RB1CC1: variants seen among roughly 807,000 people sequenced by gnomAD.
RB1CC1 encodes the protein RB1 inducible coiled-coil 1, also known as RB1-inducible coiled-coil protein 1.
A neutral mutation model predicts 177.5 loss-of-function variants in RB1CC1; 46 were observed. The observed-to-expected ratio is 0.26, with a 90% CI of 0.20 to 0.33. The LOEUF is 0.33. Among genes scored for constraint, RB1CC1 ranks in the 10% least tolerant of loss-of-function variants. RB1CC1 has a pLI of 1.00. For missense variants in RB1CC1, 1,703 were observed against 1,816.3 expected, an observed-to-expected ratio of 0.94 and a Z score of 1.13; for synonymous variants, 666 against 613.6, an observed-to-expected ratio of 1.09 and a Z score of -1.26.
intron 21 of RB1CC1, among the ~76,000 whole-genome samples, chr8:52,629,102 A>G (rs947451160): frequency 2.0e-5 from 3 of 152,294 alleles, no homozygotes; most frequent in Non-Finnish European, 2.9e-5. Flanking sequence ...CATGACATAC[A>G]GCTGGTAAAG....
intron 12 of RB1CC1, 83 bp from the exon 13 acceptor site, chr8:52,659,059 T>A: frequency 1.5e-6 from 1 of 653,926 alleles, no homozygotes; most frequent in Non-Finnish European, 2.4e-6. Context: ...TTACTATAAT[T>A]AAATTTACTA....
chr8:52,628,220 A>G (rs774518286), intron 21 of RB1CC1, 52 bp from the exon 22 acceptor site: 2 of 1,541,208 alleles, frequency 1.3e-6, no homozygotes, highest in East Asian at 4.6e-5. Flanking sequence ...CAATCCCCCT[A>G]TTCTGAAAAC....
intron 16 of RB1CC1, 157 bp from the exon 17 acceptor site, chr8:52,642,969 C>T (rs1376162784): frequency 1.5e-5 from 13 of 855,634 alleles, no homozygotes; most frequent in Non-Finnish European, 2.1e-5. Flanking sequence ...ATGTAACATA[C>T]TGTGGCAAAG....
At position 52,670,042 on chromosome 8, in the gene RB1CC1, C is replaced by T. The variant is rs1264258566; in HGVS notation, c.1003-1851G>A. ...GATCACAGCTCACTACAGGCTCAAG[C>T]GATCCTACGGCCTCAGCATCCCTAA... On this transcript the variant is annotated intron_variant, in intron 7 of 23. Transcript: ENST00000025008. Among the ~76,000 whole-genome samples the T allele has an allele frequency of 5.3e-5, 8 of 151,880 alleles. No homozygotes were observed. In the East Asian group the frequency reaches 5.8e-4, roughly 11 times the overall value.
chr8:52,626,139 A>C (rs778582287), intron 22 of RB1CC1, among the ~76,000 whole-genome samples: 1 of 152,168 alleles, frequency 6.6e-6, no homozygotes, highest in Admixed American at 6.5e-5. Flanking sequence ...AATGAGCCCC[A>C]CTAACAAAAG....
At chr8:52,630,166 G>A (rs1050039470) in intron 21 of RB1CC1, among the ~76,000 whole-genome samples, 11 of 152,164 alleles carry the variant, frequency 7.2e-5, no homozygotes, top group African/African-American at 1.9e-4. Context: ...AGATTAACAA[G>A]ACTAAGGAGA....
chr8:52,623,916 TCACACA>T, intron 23 of RB1CC1, 57 bp from the exon 24 acceptor site: 11 of 864,692 alleles, frequency 1.3e-5, no homozygotes, highest in South Asian at 6.0e-5. Flanking sequence ...TCTCTCTCTC[TCACACA>T]CACACACACA....
intron 12 of RB1CC1, 74 bp downstream of exon 12, chr8:52,660,522 T>TAA: frequency 7.5e-7 from 1 of 1,334,274 alleles, no homozygotes; most frequent in Non-Finnish European, 1.0e-6. Context: ...AAGTTTCTGA[T>TAA]AAATGTCTCT....
intron 12 of RB1CC1, among the ~76,000 whole-genome samples, chr8:52,660,383 T>C (rs1240608366): frequency 6.6e-6 from 1 of 152,180 alleles, no homozygotes; most frequent in Non-Finnish European, 1.5e-5. Context: ...TAAGGTATCT[T>C]CCTGTGTTAT....
intron 1 of RB1CC1, among the ~76,000 whole-genome samples, chr8:52,693,476 T>A (rs1030090959): frequency 6.6e-6 from 1 of 151,866 alleles, no homozygotes; most frequent in African/African-American, 2.4e-5. Flanking sequence ...AAGCTCAACA[T>A]CAAAGATCAT....
intron 16 of RB1CC1, among the ~76,000 whole-genome samples, chr8:52,645,498 ATAT>A (rs1453186277): frequency 3.3e-5 from 5 of 152,300 alleles, no homozygotes; most frequent in South Asian, 2.1e-4. Flanking sequence ...AACATGAAAA[ATAT>A]TATTCTCCAG....
At chr8:52,645,086 C>A (rs948741851) in intron 16 of RB1CC1, among the ~76,000 whole-genome samples, 12 of 152,136 alleles carry the variant, frequency 7.9e-5, no homozygotes, top group African/African-American at 2.7e-4. Flanking sequence ...TCTAACAAGG[C>A]ATCTGGTTTT....
At chr8:52,683,109 C>T (rs1853920883) in intron 5 of RB1CC1, among the ~76,000 whole-genome samples, 1 of 152,240 alleles carries the variant, frequency 6.6e-6, no homozygotes, top group South Asian at 2.1e-4. Context: ...GACTGGGAAA[C>T]AATCCGTGGG....
At chr8:52,670,770 T>C (rs1204046085) in intron 7 of RB1CC1, among the ~76,000 whole-genome samples, 1 of 152,110 alleles carries the variant, frequency 6.6e-6, no homozygotes, top group Non-Finnish European at 1.5e-5. Flanking sequence ...GCAAATCAAC[T>C]GAGGTGAGGA....
chr8:52,682,517 C>T (rs1453615725), intron 5 of RB1CC1, among the ~76,000 whole-genome samples: 3 of 151,942 alleles, frequency 2.0e-5, no homozygotes, highest in Non-Finnish European at 4.4e-5. Flanking sequence ...TATTTAATTC[C>T]TGATATACGT....
At chr8:52,648,773 G>C (rs192420768) in intron 15 of RB1CC1, among the ~76,000 whole-genome samples, 80 of 152,288 alleles carry the variant, frequency 5.3e-4, no homozygotes, top group Non-Finnish European at 1.2e-4. Context: ...TCTTACTGTA[G>C]ATCTTTGCAA....
At chr8:52,686,241 TA>T (rs768753957) in intron 2 of RB1CC1, 18 of 152,224 alleles carry the variant, frequency 1.2e-4, no homozygotes, top group Non-Finnish European at 2.2e-4. Context: ...TTTTCATCTA[TA>T]AAATGAGGAT....
At chr8:52,694,223 G>A (rs1030547301) in intron 1 of RB1CC1, among the ~76,000 whole-genome samples, 11 of 152,184 alleles carry the variant, frequency 7.2e-5, no homozygotes, top group African/African-American at 1.9e-4. Context: ...GGACAGTGAG[G>A]AGTATAATCT....
At chr8:52,627,937 T>C (rs1848508203) in intron 22 of RB1CC1, 95 bp downstream of exon 22, 1 of 1,151,946 alleles carries the variant, frequency 8.7e-7, no homozygotes, top group African/African-American at 1.6e-5. Flanking sequence ...TCTTAGTGAC[T>C]TAATTCTTAT....
Sources: allele counts gnomAD v4.1 joint callset (sites outside exome capture counted in the v4.1 genomes callset), GRCh38; gene constraint gnomAD v4.1.1; transcripts MANE v1.5; gene names NCBI Gene and HGNC (gene_info 2026-07-23, HGNC 2026-07-21).